Variants in CHLSN observed in about 807,000 individuals in gnomAD.
CHLSN encodes the protein protein cholesin.
At chr7:1,120,727 A>C in the CHLSN span, among the ~76,000 whole-genome samples, 1 of 152,240 alleles carries the variant, frequency 6.6e-6, no homozygotes, top group East Asian at 1.9e-4. Context: ...GAAACAACTC[A>C]GTCTCCAAAC....
At chr7:987,270 C>T in the CHLSN span, 31 of 1,504,186 alleles carry the variant, frequency 2.1e-5, no homozygotes, top group African/African-American at 1.7e-4. Context: ...CCTGGCGAGA[C>T]GGCTCCTTCT....
At chr7:1,055,190 C>T in the CHLSN span, 12 of 467,638 alleles carry the variant, frequency 2.6e-5, no homozygotes, top group Middle Eastern at 4.1e-4. Flanking sequence ...CACGGCCCCT[C>T]GTTTCTGGAA....
the CHLSN span, among the ~76,000 whole-genome samples, chr7:1,000,001 A>G: frequency 5.9e-5 from 9 of 152,288 alleles, no homozygotes; most frequent in Admixed American, 2.6e-4. Flanking sequence ...ACGTGTAGAC[A>G]CACGTCATGC....
chr7:1,101,432 G>A, the CHLSN span, among the ~76,000 whole-genome samples: 2 of 151,866 alleles, frequency 1.3e-5, no homozygotes, highest in Admixed American at 1.3e-4. Context: ...GTCGGACCAG[G>A]GGCTGGCTCT....
chr7:982,932 G>A, the CHLSN span, among the ~76,000 whole-genome samples: 48 of 152,308 alleles, frequency 3.2e-4, no homozygotes, highest in African/African-American at 9.4e-4. Context: ...AACAGTCCAC[G>A]TGCCACATCC....
the CHLSN span, among the ~76,000 whole-genome samples, chr7:1,016,792 GCAGCACACAGCAGCACACAC>G: frequency 0.016 from 1,099 of 67,852 alleles, 98 homozygotes; most frequent in African/African-American, 0.054. Context: ...ACAGCACACA[GCAGCACACAGCAGCACACAC>G]CAGCGCACAG....
chr7:1,118,799 C>CAAAAAAAAAA, the CHLSN span, among the ~76,000 whole-genome samples: 6 of 76,240 alleles, frequency 7.9e-5, no homozygotes, highest in Non-Finnish European at 7.3e-5. Context: ...CCATCTCTAC[C>CAAAAAAAAAA]AAAAAAAAAA....
At chr7:1,029,622 G>T in the CHLSN span, among the ~76,000 whole-genome samples, 2 of 152,210 alleles carry the variant, frequency 1.3e-5, no homozygotes, top group Admixed American at 1.3e-4. Flanking sequence ...AGCACAGTGA[G>T]CCCGGAGGCT....
At chr7:1,094,537 G>A in the CHLSN span, among the ~76,000 whole-genome samples, 21 of 152,336 alleles carry the variant, frequency 1.4e-4, no homozygotes, top group Middle Eastern at 3.4e-3. Flanking sequence ...GAACGGGTGC[G>A]GCACAATGAA....
At chr7:1,002,160 A>G in the CHLSN span, among the ~76,000 whole-genome samples, 4 of 65,290 alleles carry the variant, frequency 6.1e-5, no homozygotes, top group Non-Finnish European at 2.9e-5. Context: ...CCTGTGGGTG[A>G]GTGGAGTCCT....
the CHLSN span, among the ~76,000 whole-genome samples, chr7:1,054,499 C>T: frequency 2.0e-5 from 3 of 152,244 alleles, no homozygotes; most frequent in Non-Finnish European, 4.4e-5. Context: ...CGGTTCAGGG[C>T]GAGTGGGACG....
At chr7:1,066,903 G>A in the CHLSN span, among the ~76,000 whole-genome samples, 1 of 143,596 alleles carries the variant, frequency 7.0e-6, no homozygotes, top group Admixed American at 6.9e-5. Context: ...ACAGTCTGTT[G>A]GCGGAGGCTG....
At chr7:1,039,409 G>C in the CHLSN span, among the ~76,000 whole-genome samples, 2 of 67,400 alleles carry the variant, frequency 3.0e-5, no homozygotes, top group Admixed American at 1.3e-4. Flanking sequence ...GTCCGGGAGG[G>C]AGGTGGGGGG....
At chr7:1,013,952 C>A in the CHLSN span, among the ~76,000 whole-genome samples, 1 of 152,220 alleles carries the variant, frequency 6.6e-6, no homozygotes, top group African/African-American at 2.4e-5. Context: ...GCATGAAAAG[C>A]TTTACGCAGG....
At chr7:1,065,947 C>T in the CHLSN span, among the ~76,000 whole-genome samples, 2 of 152,218 alleles carry the variant, frequency 1.3e-5, no homozygotes, top group Non-Finnish European at 2.9e-5. Flanking sequence ...CTCCAGTGGC[C>T]GTCGGGGTGC....
chr7:1,004,620 G>A, the CHLSN span, among the ~76,000 whole-genome samples: 1 of 152,184 alleles, frequency 6.6e-6, no homozygotes, highest in African/African-American at 2.4e-5. Context: ...TGGGGGAGCA[G>A]ACACAGCGAG....
At chr7:1,073,773 A>G in the CHLSN span, among the ~76,000 whole-genome samples, 85 of 73,836 alleles carry the variant, frequency 1.2e-3, no homozygotes, top group African/African-American at 4.8e-3. Context: ...GTCACTCCCC[A>G]CGACCCCCCA....
At chr7:1,009,459 G>A in the CHLSN span, among the ~76,000 whole-genome samples, 27 of 151,940 alleles carry the variant, frequency 1.8e-4, 1 homozygote, top group Admixed American at 6.5e-5. Context: ...ACCCAGCCAC[G>A]CCGCAGGCAC....
At chr7:1,011,819 G>C in the CHLSN span, among the ~76,000 whole-genome samples, 36 of 152,240 alleles carry the variant, frequency 2.4e-4, no homozygotes, top group Admixed American at 3.9e-4. Context: ...ACAGGGCCTG[G>C]GGGACGAGGA....
Sources: gnomAD v4.1 joint callset for allele counts (sites outside exome capture counted in the v4.1 genomes callset) on GRCh38, gnomAD v4.1.1 for gene constraint, MANE v1.5 for transcripts, NCBI Gene and HGNC (gene_info 2026-07-23, HGNC 2026-07-21) for gene names.